Variants in TSHZ3 observed in about 807,000 individuals in gnomAD.
TSHZ3 encodes the protein teashirt zinc finger homeobox 3.
Under a neutral mutation model 64.5 loss-of-function variants are expected in TSHZ3, and 10 were observed. The observed-to-expected ratio is 0.16, with a 90% confidence interval of 0.10 to 0.26. TSHZ3 has a LOEUF of 0.26. TSHZ3 is among the 10% of genes least tolerant of loss of function. TSHZ3 has a pLI of 1.00. For missense variants in TSHZ3, 1,242 were observed against 1,421.7 expected, an observed-to-expected ratio of 0.87 and a Z score of 2.03; for synonymous variants, 608 against 593.1, an observed-to-expected ratio of 1.03 and a Z score of -0.36.
At chr19:31,164,361 G>A (rs1476233736) in intron 5 of TSHZ3, among the ~76,000 whole-genome samples, 2 of 152,148 alleles carry the variant, frequency 1.3e-5, no homozygotes, top group African/African-American at 2.4e-5. Context: ...TCTCAGGTAT[G>A]CAGGATTGCA....
At chr19:31,215,881 G>T (rs930294810) in intron 4 of TSHZ3, among the ~76,000 whole-genome samples, 2 of 151,556 alleles carry the variant, frequency 1.3e-5, no homozygotes, top group African/African-American at 4.8e-5. Context: ...AAAAAAAAAG[G>T]TATTATAATT....
intron 3 of TSHZ3, among the ~76,000 whole-genome samples, chr19:31,234,381 C>G (rs972563836): frequency 2.0e-5 from 3 of 151,534 alleles, no homozygotes; most frequent in African/African-American, 4.9e-5. Flanking sequence ...ATTTATTTTG[C>G]CTTATGGCAT....
intron 5 of TSHZ3, among the ~76,000 whole-genome samples, chr19:31,180,563 C>A (rs2145125934): frequency 6.6e-6 from 1 of 152,336 alleles, no homozygotes; most frequent in South Asian, 2.1e-4. Context: ...CACAGCCCAA[C>A]ATAGCTCAGA....
upstream of TSHZ3, among the ~76,000 whole-genome samples, chr19:31,350,639 CG>C (rs2145210934): frequency 6.6e-6 from 1 of 151,702 alleles, no homozygotes; most frequent in East Asian, 2.0e-4. Context: ...GCTGAGGCTC[CG>C]GGCCGGCCCG....
rs149465619 is a variant in TSHZ3 at position 31,163,952 on chromosome 19, C to T, written n.810-7535G>A. ...TGTGCAAGATCCTAAGAAGTAAGTG[C>T]GTGTTTATCATCCCCATGTTACACT... is the stretch of plus-strand genomic sequence containing the variant. On this transcript the variant is annotated intron_variant and non_coding_transcript_variant, in intron 5 of 6. Coordinates refer to the TSHZ3 transcript ENST00000651361. Among the ~76,000 whole-genome samples the T allele has an allele frequency of 3.7e-4, 56 of 152,266 alleles. No homozygotes were observed. In the East Asian group the frequency reaches 8.5e-3, roughly 23 times the overall value.
chr19:31,192,480 A>G (rs560064320), intron 5 of TSHZ3, among the ~76,000 whole-genome samples: 1 of 152,336 alleles, frequency 6.6e-6, no homozygotes, highest in East Asian at 1.9e-4. Flanking sequence ...TCAGACCTGG[A>G]CATTAGTGCA....
chr19:31,298,245 C>T (rs1478805942), intron 1 of TSHZ3, among the ~76,000 whole-genome samples: 1 of 152,114 alleles, frequency 6.6e-6, no homozygotes, highest in African/African-American at 2.4e-5. Context: ...GCCCATTCTT[C>T]TCACCTCTGC....
At chr19:31,184,936 AT>A (rs1440055654) in intron 5 of TSHZ3, among the ~76,000 whole-genome samples, 2 of 152,104 alleles carry the variant, frequency 1.3e-5, no homozygotes, top group Admixed American at 6.6e-5. Flanking sequence ...CTGCCTCTTT[AT>A]TTTTCCCCCC....
intron 1 of TSHZ3, among the ~76,000 whole-genome samples, chr19:31,255,660 C>T (rs540332295): frequency 1.3e-5 from 2 of 152,188 alleles, no homozygotes; most frequent in Admixed American, 6.5e-5. Context: ...TCAAGCACCC[C>T]GGGGTTTCTG....
At chr19:31,334,068 C>T (rs1024723219) in intron 1 of TSHZ3, among the ~76,000 whole-genome samples, 11 of 152,132 alleles carry the variant, frequency 7.2e-5, no homozygotes, top group African/African-American at 2.4e-4. Flanking sequence ...GAACCAAGAA[C>T]ATGCTGTTAT....
chr19:31,171,490 G>T (rs548424066), intron 5 of TSHZ3, among the ~76,000 whole-genome samples: 1 of 152,086 alleles, frequency 6.6e-6, no homozygotes, highest in African/African-American at 2.4e-5. Context: ...TCAGAGTTTG[G>T]ATGTGGTGAT....
intron 1 of TSHZ3, among the ~76,000 whole-genome samples, chr19:31,298,333 G>A (rs10417851): frequency 0.32 from 48,459 of 151,810 alleles, 7,871 homozygotes; most frequent in East Asian, 0.45. Context: ...GGGGGTCCCA[G>A]CCCTCCCCAT....
At chr19:31,318,522 C>T (rs1916670587) in intron 1 of TSHZ3, among the ~76,000 whole-genome samples, 1 of 152,142 alleles carries the variant, frequency 6.6e-6, no homozygotes, top group Admixed American at 6.5e-5. Context: ...AAGCATTACA[C>T]TTCTCTAGAC....
At chr19:31,330,421 T>A (rs113560608) in intron 1 of TSHZ3, among the ~76,000 whole-genome samples, 2,284 of 152,286 alleles carry the variant, frequency 0.015, 53 homozygotes, top group African/African-American at 0.053. Flanking sequence ...CCTTGAGGAC[T>A]GGCCTGACGG....
chr19:31,345,661 C>T (rs752893157), intron 1 of TSHZ3, among the ~76,000 whole-genome samples: 2 of 150,706 alleles, frequency 1.3e-5, no homozygotes, highest in African/African-American at 2.4e-5. Context: ...AATTGTGGTT[C>T]GATGGTTTCT....
At chr19:31,180,596 T>C (rs750840519) in intron 5 of TSHZ3, among the ~76,000 whole-genome samples, 5 of 152,224 alleles carry the variant, frequency 3.3e-5, no homozygotes, top group Non-Finnish European at 7.3e-5. Flanking sequence ...CTTGGGATTG[T>C]TGTGTTAATA....
In TSHZ3 at chr19:31,164,220, C is replaced by T. The variant is rs560253781; in HGVS notation, n.810-7803G>A. ...GCTGTTTTAGAGCTTCTCAGGCCAT[C>T]GACCCAGAACATCGCACTATTGCCC... On this transcript the variant is annotated intron_variant and non_coding_transcript_variant, in intron 5 of 6. Coordinates refer to the TSHZ3 transcript ENST00000651361. Among the ~76,000 whole-genome samples, 100 of 152,222 alleles carry T rather than the reference C, an allele frequency of 6.6e-4. 1 individual carries two copies. The highest frequency in any genetic ancestry group is 6.3e-3 in the Admixed American group (97 of 15,294).
chr19:31,160,626 A>G (rs1974363207), intron 5 of TSHZ3, among the ~76,000 whole-genome samples: 1 of 152,080 alleles, frequency 6.6e-6, no homozygotes, highest in Admixed American at 6.6e-5. Flanking sequence ...GGGATAGTTT[A>G]GCCACACACA....
At chr19:31,319,305 A>G (rs1386196507) in intron 1 of TSHZ3, among the ~76,000 whole-genome samples, 1 of 152,272 alleles carries the variant, frequency 6.6e-6, no homozygotes, top group Non-Finnish European at 1.5e-5. Flanking sequence ...ATTACAAAAT[A>G]GAGAAAAGTA....
Sources: gnomAD v4.1 joint callset for allele counts (sites outside exome capture counted in the v4.1 genomes callset) on GRCh38, gnomAD v4.1.1 for gene constraint, MANE v1.5 for transcripts, NCBI Gene and HGNC (gene_info 2026-07-23, HGNC 2026-07-21) for gene names.